NFIC: variants seen among roughly 807,000 people sequenced by gnomAD.
NFIC encodes nuclear factor 1 C-type.
In NFIC, 12 loss-of-function variants were observed where a neutral mutation model predicts 54.4. The observed-to-expected ratio is 0.22, with a 90% CI of 0.14 to 0.36. The LOEUF (loss-of-function observed/expected upper bound fraction) is 0.36. Among genes scored for constraint, NFIC ranks in the 10% least tolerant of loss-of-function variants. The probability of loss-of-function intolerance (pLI) is 1.00; values close to 1 mark genes in which losing one functional copy is unlikely to be tolerated. For missense variants in NFIC, 575 were observed against 718.2 expected (o/e 0.80, Z 2.28); for synonymous variants, 322 against 319.2 (o/e 1.01, Z -0.09).
Position 3,452,568 on chromosome 19 carries a change from C to T in NFIC, c.1171C>T (p.His391Tyr), listed in dbSNP as rs1328486723. Reference protein sequence around the residue: ...LPQTASTYFPHTAIRYPPHLN... With the variant: ...LPQTASTYFPYTAIRYPPHLN... ...CCAGACGGCCTCCACCTACTTCCCC[C>T]ACACGGCCATCCGCTACCCACCTCA... Residue 391 changes from histidine (H) to tyrosine (Y), a missense_variant, in exon 8 of 11, where the codon CAC becomes TAC. His to Tyr is a moderately conservative substitution (Grantham distance 83). Transcript: ENST00000443272. This position sits in a 1 kb window ranked among gnomAD's most constrained non-coding sequence, Gnocchi z 5.3. The T allele has an allele frequency of 6.2e-7, 1 of 1,613,954 alleles. No homozygotes were observed. Among genetic ancestry groups the T allele is most frequent in the Admixed American group, 1.7e-5 (1 of 60,018 alleles).
intron 1 of NFIC, among the ~76,000 whole-genome samples, chr19:3,367,584 G>A (rs1383336910): frequency 6.6e-6 from 1 of 152,226 alleles, no homozygotes; most frequent in Non-Finnish European, 1.5e-5. Context: ...GGGAGGGGGC[G>A]GCTCCCCCCG....
intron 1 of NFIC, among the ~76,000 whole-genome samples, chr19:3,378,553 G>A (rs2081146786): frequency 6.6e-6 from 1 of 152,206 alleles, no homozygotes; most frequent in Non-Finnish European, 1.5e-5. Flanking sequence ...TCAGATGAGT[G>A]CAGGTTCCAG....
chr19:3,450,084 G>A (rs569719029), intron 7 of NFIC, among the ~76,000 whole-genome samples: 3 of 152,064 alleles, frequency 2.0e-5, no homozygotes, highest in African/African-American at 7.2e-5. Context: ...AGTGGCTCAC[G>A]CCTGTAATCC....
intron 2 of NFIC, among the ~76,000 whole-genome samples, chr19:3,387,999 G>A (rs1312275685): frequency 6.6e-6 from 1 of 152,158 alleles, no homozygotes; most frequent in African/African-American, 2.4e-5. Context: ...CTGGGCGGGG[G>A]AGGGGCTGCC....
chr19:3,399,064 G>A (rs889478857), intron 2 of NFIC, among the ~76,000 whole-genome samples: 4 of 152,264 alleles, frequency 2.6e-5, no homozygotes, highest in Non-Finnish European at 5.9e-5. Context: ...GGCTCTGGGT[G>A]TCACCTGGTT....
rs2082734241 is a variant in NFIC at position 3,467,753 on chromosome 19, C to CTATATATATATATATATATATA, written c.*4988_*4989insTATATATATATATATATATATA. 1 of 31,782 alleles carries CTATATATATATATATATATATA rather than the reference C, an allele frequency of 3.1e-5. No homozygotes were observed. The highest frequency in any genetic ancestry group is 2.4e-4 in the African/African-American group (1 of 4,148). 2.0% of individuals were successfully genotyped at this position (31,782 alleles called of 1,614,324 possible). ...CTTTGACCTCCAGTGTAGGGCTATA[C>CTATATATATATATATATATATA]TATACATATATATATATATATATAT... On this transcript the variant is annotated 3_prime_UTR_variant, in exon 11 of 11. Transcript: ENST00000443272.
intron 2 of NFIC, among the ~76,000 whole-genome samples, chr19:3,419,812 AAT>A (rs1427821229): frequency 6.6e-6 from 1 of 151,824 alleles, no homozygotes; most frequent in East Asian, 1.9e-4. Flanking sequence ...AAAAAAAAAA[AAT>A]TTAATTTAAT....
intron 6 of NFIC, among the ~76,000 whole-genome samples, chr19:3,445,183 A>G (rs962941962): frequency 2.6e-5 from 4 of 152,104 alleles, no homozygotes; most frequent in Non-Finnish European, 5.9e-5. Flanking sequence ...ATGCACGCAC[A>G]CACATGCATG....
At chr19:3,423,812 G>A (rs1487874533) in intron 2 of NFIC, among the ~76,000 whole-genome samples, 1 of 152,090 alleles carries the variant, frequency 6.6e-6, no homozygotes, top group East Asian at 1.9e-4. Context: ...TCCTCTCTCT[G>A]GGGTCCCTGA....
upstream of NFIC, among the ~76,000 whole-genome samples, chr19:3,364,100 T>C (rs34913708): frequency 0.15 from 22,558 of 151,790 alleles, 1,723 homozygotes; most frequent in Non-Finnish European, 0.16. Flanking sequence ...TTTGTGCTCC[T>C]GTATCTGGGA....
intron 2 of NFIC, among the ~76,000 whole-genome samples, chr19:3,403,938 A>G (rs1235430700): frequency 6.6e-6 from 1 of 151,792 alleles, no homozygotes. Flanking sequence ...TCCCTTCCGG[A>G]GCCTCTCCAT....
chr19:3,366,584 G>A lies in NFIC; in HGVS notation c.-53G>A, dbSNP rs2080889000. ...GGGGGTGGTTTGGAAAAATGACTCA[G>A]TAAGTTCAGCGCGCCCGCTCCGGCC... is the stretch of plus-strand genomic sequence containing the variant. On this transcript the variant is annotated 5_prime_UTR_variant, in exon 1 of 11. Coordinates refer to ENST00000443272, the MANE Select transcript of NFIC (RefSeq NM_001245002.2). The A allele has an allele frequency of 2.5e-6, 3 of 1,209,892 alleles. No homozygotes were observed. Among genetic ancestry groups the A allele is most frequent in the Non-Finnish European group, 2.3e-6 (2 of 872,896 alleles). 74.9% of individuals were successfully genotyped at this position (1,209,892 alleles called of 1,614,324 possible).
At chr19:3,360,383 G>T (rs866669089) in intron 1 of NFIC, among the ~76,000 whole-genome samples, 27 of 150,804 alleles carry the variant, frequency 1.8e-4, no homozygotes, top group Non-Finnish European at 3.4e-4. Context: ...AGCTGGGAGG[G>T]ACCCCCGGGT....
intron 1 of NFIC, among the ~76,000 whole-genome samples, chr19:3,360,842 TG>T (rs557719029): frequency 6.6e-5 from 10 of 151,734 alleles, no homozygotes; most frequent in South Asian, 2.1e-4. Context: ...GTGTGGCGGT[TG>T]GGGGGGGTCG....
intron 1 of NFIC, among the ~76,000 whole-genome samples, chr19:3,378,676 T>C (rs538123160): frequency 5.3e-5 from 8 of 152,312 alleles, no homozygotes; most frequent in Non-Finnish European, 1.2e-4. Flanking sequence ...TGGGAGTAGG[T>C]TGAAGTCCCA....
chr19:3,449,036 G>A lies in NFIC; in HGVS notation c.981G>A (p.Lys327=). ...MEGGISSPVK[K]TEMDKSPFNS... ...CAGGCATCTCGTCCCCGGTGAAGAA[G>A]ACAGAGATGGACAAGTCACCATTCA... The change falls in exon 7 of 11, where the codon AAG becomes AAA. Residue 327 remains lysine, a synonymous_variant. Transcript: ENST00000443272. 2 of 1,613,268 alleles carry A rather than the reference G, an allele frequency of 1.2e-6. No homozygotes were observed. Among genetic ancestry groups the A allele is most frequent in the East Asian group, 2.2e-5 (1 of 44,850 alleles).
At chr19:3,361,406 C>T (rs532885229) in intron 1 of NFIC, among the ~76,000 whole-genome samples, 16 of 152,248 alleles carry the variant, frequency 1.1e-4, no homozygotes. Context: ...TCCCGCAGTC[C>T]CGCCTCCAGC....
rs1359782011 is a variant in NFIC, at chr19:3,452,503, C to T, written c.1106C>T (p.Pro369Leu). Residue 369 changes from proline (P) to leucine (L), a missense_variant, in exon 8 of 11, where the codon CCG becomes CTG. Physicochemically the swap from Pro to Leu is moderately conservative, Grantham distance 98 (BLOSUM62 -3). Transcript: ENST00000443272. The surrounding 1 kb of genome is among the most constrained non-coding windows in gnomAD (Gnocchi z 5.3). ...VHSGIARSPH[P>L]SSALHFPTTS... ...GCAGGGATCGCCCGGAGCCCACACC[C>T]GTCCTCCGCTCTGCATTTCCCTACG... 32 of 1,612,556 alleles carry T rather than the reference C, an allele frequency of 2.0e-5. No homozygotes were observed. Among genetic ancestry groups the T allele is most frequent in the Admixed American group, 3.3e-5 (2 of 59,990 alleles).
chr19:3,383,905 C>A (rs1599583970), intron 2 of NFIC, among the ~76,000 whole-genome samples: 1 of 152,320 alleles, frequency 6.6e-6, no homozygotes, highest in South Asian at 2.1e-4. Flanking sequence ...ATGGACACAT[C>A]CCTTTTCTGT....
Sources: allele counts gnomAD v4.1 joint callset (sites outside exome capture counted in the v4.1 genomes callset), GRCh38; gene constraint gnomAD v4.1.1; non-coding constraint Gnocchi (gnomAD v3.1); transcripts MANE v1.5; gene names NCBI Gene and HGNC (gene_info 2026-07-23, HGNC 2026-07-21).